Variants in FAF1 observed in about 807,000 individuals in gnomAD.
FAF1 encodes FAS-associated factor 1.
FAF1 carries 25 observed loss-of-function variants against 92.5 expected under a neutral mutation model. That is an observed-to-expected ratio of 0.27 (90% CI 0.20 to 0.38). The LOEUF is 0.38. FAF1 is among the 10% of genes least tolerant of loss of function. FAF1 has a pLI of 1.00. For synonymous variants in FAF1, 234 were observed against 273.2 expected (o/e 0.86, Z 1.42); for missense variants, 636 against 793.3 (o/e 0.80, Z 2.38).
intron 15 of FAF1, among the ~76,000 whole-genome samples, chr1:50,496,045 C>CA (rs141225922): frequency 0.091 from 13,597 of 148,698 alleles, 642 homozygotes; most frequent in East Asian, 0.1. Flanking sequence ...AGAATTTAAC[C>CA]AAAAAAAAAG....
chr1:50,751,647 T>C (rs545732724), intron 4 of FAF1, among the ~76,000 whole-genome samples: 2 of 152,356 alleles, frequency 1.3e-5, no homozygotes, highest in African/African-American at 4.8e-5. Flanking sequence ...CAGCCTACTA[T>C]GTTTTTGTAA....
chr1:50,750,474 T>C (rs985940197), intron 4 of FAF1, among the ~76,000 whole-genome samples: 6 of 152,110 alleles, frequency 3.9e-5, no homozygotes, highest in Non-Finnish European at 1.5e-5. Flanking sequence ...GATAAGAACA[T>C]TTCCCATAGC....
chr1:50,959,638 C>CG, intron 1 of FAF1, 129 bp downstream of exon 1: 1 of 650,028 alleles, frequency 1.5e-6, no homozygotes, highest in Non-Finnish European at 2.7e-6. Context: ...CACACACACA[C>CG]GCCACGCACC....
intron 6 of FAF1, among the ~76,000 whole-genome samples, chr1:50,729,056 A>ATATATG (rs1658802226): frequency 9.5e-6 from 1 of 105,812 alleles, no homozygotes; most frequent in African/African-American, 4.5e-5. Flanking sequence ...ATATATATAT[A>ATATATG]TATTTTTTTT....
chr1:50,527,868 C>CTCTCTCTCT (rs1491383904), intron 15 of FAF1, among the ~76,000 whole-genome samples: 43 of 57,026 alleles, frequency 7.5e-4, no homozygotes, highest in East Asian at 9.6e-4. Flanking sequence ...TCCCTCTCTC[C>CTCTCTCTCT]CTCTCTCTCT....
chr1:50,532,230 T>C (rs1186290844), intron 15 of FAF1, among the ~76,000 whole-genome samples: 1 of 152,206 alleles, frequency 6.6e-6, no homozygotes, highest in Non-Finnish European at 1.5e-5. Context: ...ATTTCAATTA[T>C]ATGGAGCATT....
intron 1 of FAF1, among the ~76,000 whole-genome samples, chr1:50,900,157 C>G (rs1644785109): frequency 6.6e-6 from 1 of 152,054 alleles, no homozygotes; most frequent in Admixed American, 6.6e-5. Context: ...TGTATACATT[C>G]TCTCTCTCAG....
chr1:50,918,699 T>A (rs1644939714), intron 1 of FAF1, among the ~76,000 whole-genome samples: 1 of 98,170 alleles, frequency 1.0e-5, no homozygotes, highest in African/African-American at 4.1e-5. Context: ...GTCCTTTGGG[T>A]ATATACCCAG....
chr1:50,656,648 C>T (rs1049047036), intron 7 of FAF1, among the ~76,000 whole-genome samples: 2 of 150,842 alleles, frequency 1.3e-5, no homozygotes, highest in African/African-American at 2.4e-5. Flanking sequence ...TTTGGGAGGC[C>T]GAGGTGGGCA....
chr1:50,687,406 AG>A, intron 7 of FAF1, among the ~76,000 whole-genome samples: 1 of 151,942 alleles, frequency 6.6e-6, no homozygotes, highest in East Asian at 1.9e-4. Context: ...GGATTTGCAT[AG>A]ACATTCCTCC....
At chr1:50,940,810 AC>A (rs895811419) in intron 1 of FAF1, among the ~76,000 whole-genome samples, 3 of 152,226 alleles carry the variant, frequency 2.0e-5, no homozygotes, top group South Asian at 2.1e-4. Flanking sequence ...AACCATTGTC[AC>A]ACACAACTTG....
At chr1:50,937,543 A>G (rs1200351554) in intron 1 of FAF1, among the ~76,000 whole-genome samples, 1 of 152,072 alleles carries the variant, frequency 6.6e-6, no homozygotes, top group Non-Finnish European at 1.5e-5. Context: ...GGACATGAGG[A>G]AAGATACAGA....
chr1:50,438,083 T>TA lies in FAF1; in HGVS notation c.*3356dup, dbSNP rs960297688. The TA allele has an allele frequency of 1.4e-5, 2 of 146,232 alleles. No homozygotes were observed. Among genetic ancestry groups the TA allele is most frequent in the African/African-American group, 5.1e-5 (2 of 39,272 alleles). The allele number at this position is 146,232 out of a possible 1,614,324, so 9.1% of individuals were successfully genotyped here. On this transcript the variant is annotated 3_prime_UTR_variant, in exon 19 of 19. Transcript: ENST00000396153. ...TCTTTGTAGACAAGCAGTGGAAAATTAGAGTTAGCACTTTAAGTCCTGACC... is the reference window on the plus strand; with the variant it reads ...TCTTTGTAGACAAGCAGTGGAAAATTAAGAGTTAGCACTTTAAGTCCTGACC...
intron 17 of FAF1, among the ~76,000 whole-genome samples, chr1:50,484,321 A>G (rs1275622930): frequency 6.6e-6 from 1 of 152,194 alleles, no homozygotes; most frequent in Non-Finnish European, 1.5e-5. Context: ...TTGCTTCTGG[A>G]TATAAAGAAC....
intron 4 of FAF1, among the ~76,000 whole-genome samples, chr1:50,753,662 T>A (rs187335896): frequency 1.8e-3 from 270 of 152,332 alleles, no homozygotes; most frequent in African/African-American, 6.2e-3. Context: ...CTGGGTCATT[T>A]CTACATTTCC....
intron 13 of FAF1, among the ~76,000 whole-genome samples, chr1:50,551,558 A>G (rs1649310605): frequency 6.6e-6 from 1 of 152,248 alleles, no homozygotes; most frequent in African/African-American, 2.4e-5. Context: ...AAGATGGTTT[A>G]TGAACAATTA....
intron 8 of FAF1, among the ~76,000 whole-genome samples, chr1:50,650,932 G>T (rs1249798550): frequency 6.6e-6 from 1 of 152,130 alleles, no homozygotes; most frequent in Non-Finnish European, 1.5e-5. Context: ...AGTACAAAAG[G>T]AACGGAGTTA....
chr1:50,738,945 T>G lies in FAF1; in HGVS notation c.469A>C (p.Lys157Gln). ...TTGTTTTTTGGCAAGTGTAGAGATT[T>G]TAGGACCGTCTGAAAAAGAAAAAAC... The part of the protein sequence containing the change: ...TGDVEDSTVL[K>Q]SLHLPKNNSL... The change falls in exon 6 of 19, where the codon AAA becomes CAA. Residue 157 changes from lysine (K) to glutamine (Q), a missense_variant. Around this residue, in one of 2 missense-constraint regions of FAF1, gnomAD observed 317 missense variants for 342.4 expected, o/e 0.93. Transcript: ENST00000396153. 6.3e-7 allele frequency: 1 copy of G among 1,592,228 alleles called. No homozygotes were observed. Among genetic ancestry groups the G allele is most frequent in the Non-Finnish European group, 8.6e-7 (1 of 1,168,350 alleles).
chr1:50,709,606 GTCA>G lies in FAF1; in HGVS notation c.552-3718_552-3716del, dbSNP rs1449991624. ...AAAGAGGTGGAACTAATTGTCCCTGGTCATCAAGCTACAAAGAGGTAGAATCCA... is the reference window on the plus strand; with the variant it reads ...AAAGAGGTGGAACTAATTGTCCCTGGTCAAGCTACAAAGAGGTAGAATCCA... On this transcript the variant is annotated intron_variant, in intron 6 of 18. Coordinates refer to ENST00000396153, the MANE Select transcript of FAF1 (RefSeq NM_007051.3). Among the ~76,000 whole-genome samples the G allele has an allele frequency of 2.6e-5, 4 of 152,176 alleles. No homozygotes were observed. In the East Asian group the frequency reaches 7.7e-4, roughly 29 times the overall value.
Sources: allele counts gnomAD v4.1 joint callset (sites outside exome capture counted in the v4.1 genomes callset), GRCh38; gene constraint gnomAD v4.1.1; regional missense constraint gnomAD v4.1.1; transcripts MANE v1.5; gene names NCBI Gene and HGNC (gene_info 2026-07-23, HGNC 2026-07-21).